Variants in FBXO38 observed in about 807,000 individuals in gnomAD.
The protein encoded by FBXO38 is F-box protein 38, also known as F-box only protein 38.
In FBXO38, 53 loss-of-function variants were observed where a neutral mutation model predicts 131.9. That is an observed-to-expected ratio of 0.40 (90% CI 0.32 to 0.51). The LOEUF (loss-of-function observed/expected upper bound fraction) is 0.51. FBXO38 is among the 20% of genes least tolerant of loss of function. FBXO38 has a pLI of 0.53. For missense variants in FBXO38, 1,076 were observed against 1,475.6 expected, an observed-to-expected ratio of 0.73 and a Z score of 4.44; for synonymous variants, 452 against 505.6, an observed-to-expected ratio of 0.89 and a Z score of 1.42.
At chr5:148,410,588 TGATG>T in intron 8 of FBXO38, 43 bp from the exon 9 acceptor site, 2 of 1,605,194 alleles carry the variant, frequency 1.2e-6, no homozygotes, top group Middle Eastern at 3.3e-4. Flanking sequence ...TCTTTGATTC[TGATG>T]GTTTTTGTTT....
chr5:148,439,938 A>G, intron 19 of FBXO38, 146 bp downstream of exon 19: 1 of 763,768 alleles, frequency 1.3e-6, no homozygotes, highest in South Asian at 2.0e-5. Flanking sequence ...GTAAGTAAGA[A>G]ACTGAGGGAA....
chr5:148,403,191 A>G (rs953533640), intron 5 of FBXO38, among the ~76,000 whole-genome samples: 1 of 152,138 alleles, frequency 6.6e-6, no homozygotes, highest in Admixed American at 6.6e-5. Flanking sequence ...AAGGTCAAAG[A>G]CTTATTTCCA....
chr5:148,393,555 T>C (rs1392376844), intron 1 of FBXO38, among the ~76,000 whole-genome samples: 2 of 152,128 alleles, frequency 1.3e-5, no homozygotes, highest in East Asian at 3.9e-4. Context: ...CCCTTTGTTA[T>C]ATGAGGCTTC....
chr5:148,430,161 T>TTTA lies in FBXO38; in HGVS notation c.2653+2216_2653+2217insATT, dbSNP rs1561542138. ...AATTATAATTATTATTATTATTATT[T>TTTA]TTTTTTTTTTTGAGACGAATTCTCG... is the stretch of plus-strand genomic sequence containing the variant. On this transcript the variant is annotated intron_variant, in intron 15 of 21. Coordinates refer to ENST00000340253, the MANE Select transcript of FBXO38 (RefSeq NM_205836.3). 6.7e-5 allele frequency: 9 copies of TTTA among 135,168 alleles called. No homozygotes were observed. The Middle Eastern group carries it at 0.011, about 166-fold the overall frequency. The allele number at this position is 135,168 out of a possible 1,614,324, so 8.4% of individuals were successfully genotyped here.
chr5:148,393,806 C>A (rs1424889570), intron 1 of FBXO38, among the ~76,000 whole-genome samples: 1 of 152,112 alleles, frequency 6.6e-6, no homozygotes, highest in Non-Finnish European at 1.5e-5. Flanking sequence ...ATAAAAGAGA[C>A]CAATATTTCC....
At chr5:148,440,031 T>G (rs1298950895) in intron 19 of FBXO38, among the ~76,000 whole-genome samples, 1 of 152,192 alleles carries the variant, frequency 6.6e-6, no homozygotes, top group Non-Finnish European at 1.5e-5. Context: ...AGATTGCACA[T>G]GTACTTGTAA....
At chr5:148,407,303 G>A (rs1392535450) in intron 7 of FBXO38, among the ~76,000 whole-genome samples, 2 of 152,126 alleles carry the variant, frequency 1.3e-5, no homozygotes, top group South Asian at 2.1e-4. Context: ...GGTGCTAAAA[G>A]CTGAGTTTGT....
At chr5:148,424,352 G>T (rs891992198) in intron 13 of FBXO38, among the ~76,000 whole-genome samples, 2 of 152,146 alleles carry the variant, frequency 1.3e-5, no homozygotes, top group Admixed American at 6.5e-5. Flanking sequence ...TTATAGCCAC[G>T]TGTGCATGAG....
intron 12 of FBXO38, among the ~76,000 whole-genome samples, chr5:148,421,310 G>C (rs749110148): frequency 4.3e-4 from 66 of 152,000 alleles, no homozygotes; most frequent in Non-Finnish European, 7.8e-4. Context: ...TGATACTGCT[G>C]GTCTGGGACT....
chr5:148,425,699 C>T lies in FBXO38; in HGVS notation c.1916C>T (p.Ser639Leu). 1 of 1,612,302 alleles carries T rather than the reference C, an allele frequency of 6.2e-7. No homozygotes were observed. Among genetic ancestry groups the T allele is most frequent in the Non-Finnish European group, 8.5e-7 (1 of 1,179,120 alleles). Residue 639 changes from serine (S) to leucine (L), a missense_variant and splice_region_variant, in exon 14 of 22, where the codon TCA becomes TTA. Physicochemically the swap from Ser to Leu is moderately radical, Grantham distance 145. Around this residue, in one of 8 missense-constraint regions of FBXO38, gnomAD observed 212 missense variants for 221.2 expected, o/e 0.96. Coordinates refer to ENST00000340253, the MANE Select transcript of FBXO38 (RefSeq NM_205836.3). ...TGESVQSREL[S>L]VSGKGKTPLR... ...GAGTCAGTGCAGTCCAGAGAATTGT[C>T]AGGTGAGAAATTGTCTTTCTCTGAA...
chr5:148,402,720 C>T (rs574136420), intron 5 of FBXO38, among the ~76,000 whole-genome samples: 1 of 152,296 alleles, frequency 6.6e-6, no homozygotes, highest in East Asian at 1.9e-4. Flanking sequence ...AGTGTACATT[C>T]TCCATCTGAA....
intron 8 of FBXO38, among the ~76,000 whole-genome samples, chr5:148,409,585 A>C (rs971010305): frequency 6.6e-6 from 1 of 152,208 alleles, no homozygotes; most frequent in African/African-American, 2.4e-5. Flanking sequence ...GAATTGTTCT[A>C]GTTACTTGGT....
intron 1 of FBXO38, chr5:148,385,141 C>T (rs1408451615): frequency 2.0e-5 from 3 of 152,060 alleles, no homozygotes; most frequent in South Asian, 2.1e-4. Context: ...GAAAAAAATC[C>T]GCTTGTAATT....
rs1208856990 is a variant in FBXO38 at position 148,423,919 on chromosome 5, A to T, written c.1619-79A>T. ...TAATCAGCGGGACTGTTCAGTTCTT[A>T]GGGCGGCCACAGTTTTGCCTGCCAT... On this transcript the variant is annotated intron_variant, in intron 12 of 21. Transcript: ENST00000340253. 8 of 1,370,700 alleles carry T rather than the reference A, an allele frequency of 5.8e-6. No individual in the cohort carries two copies. In the East Asian group the frequency reaches 7.3e-5, roughly 12 times the overall value. 84.9% of individuals were successfully genotyped at this position (1,370,700 alleles called of 1,614,324 possible).
chr5:148,433,146 A>C (rs1177233991), intron 15 of FBXO38: 1 of 282,710 alleles, frequency 3.5e-6, no homozygotes, highest in African/African-American at 2.2e-5. Context: ...GGATGGGATG[A>C]GTCAGAGAGC....
At chr5:148,429,768 A>G (rs1235667939) in intron 15 of FBXO38, among the ~76,000 whole-genome samples, 2 of 152,098 alleles carry the variant, frequency 1.3e-5, no homozygotes, top group Non-Finnish European at 2.9e-5. Flanking sequence ...CCTTCATATT[A>G]GCCATTGAAG....
In FBXO38 at chr5:148,440,489, C is replaced by A. The variant is rs757930681; in HGVS notation, c.3236C>A (p.Pro1079His). 21 of 1,611,422 alleles carry A rather than the reference C, an allele frequency of 1.3e-5. No individual in the cohort carries two copies. The Admixed American group carries it at 3.5e-4, about 27-fold the overall frequency. ...AGTGAAGAAGACTTAAAGAAATACC[C>A]CAAGTACCCCTGGGGGAGAGAAATC... ...TRSEEDLKKYPKYPWGREIYT... is the reference protein window; with the variant it reads ...TRSEEDLKKYHKYPWGREIYT... Residue 1079 changes from proline to histidine, a missense_variant, in exon 20 of 22, where the codon CCC becomes CAC. Coordinates refer to ENST00000340253, the MANE Select transcript of FBXO38 (RefSeq NM_205836.3).
intron 18 of FBXO38, among the ~76,000 whole-genome samples, chr5:148,439,099 A>G (rs1754520987): frequency 1.3e-5 from 2 of 152,166 alleles, no homozygotes; most frequent in South Asian, 4.1e-4. Flanking sequence ...ACAACACATG[A>G]TCCTTCCCTC....
intron 12 of FBXO38, among the ~76,000 whole-genome samples, chr5:148,420,972 T>A (rs1331416028): frequency 6.6e-6 from 1 of 151,990 alleles, no homozygotes; most frequent in Non-Finnish European, 1.5e-5. Context: ...TTTTAATTTT[T>A]TTTTTTTTTC....
Sources: gnomAD v4.1 joint callset for allele counts (sites outside exome capture counted in the v4.1 genomes callset) on GRCh38, gnomAD v4.1.1 for gene constraint, gnomAD v4.1.1 regional missense constraint, MANE v1.5 for transcripts, NCBI Gene and HGNC (gene_info 2026-07-23, HGNC 2026-07-21) for gene names.